The following TSGA10 variants were observed in gnomAD, a reference collection of about 807,000 sequenced individuals.
TSGA10 encodes the protein testis-specific gene 10 protein.
In TSGA10, 43 loss-of-function variants were observed where a neutral mutation model predicts 96.6. That is an observed-to-expected ratio of 0.44 (90% CI 0.35 to 0.57). The LOEUF (loss-of-function observed/expected upper bound fraction) is 0.57. TSGA10 is among the 20% of genes least tolerant of loss of function. The pLI, the probability that TSGA10 is intolerant of heterozygous loss-of-function variation, is 0.01. For synonymous variants in TSGA10, 229 were observed against 269.9 expected, an observed-to-expected ratio of 0.85 and a Z score of 1.48; for missense variants, 703 against 834.4, an observed-to-expected ratio of 0.84 and a Z score of 1.94.
rs116159070 is a variant in TSGA10 at position 99,015,093 on chromosome 2, C to T, written c.2072+3107G>A. On this transcript the variant is annotated intron_variant, in intron 20 of 20. Transcript: ENST00000393483. Reference sequence around the variant, plus strand: ...GAATTGGAACCAATCCTATAGAACACTACTGCACAAGATAGAGAAAGACGG... The same window carrying T: ...GAATTGGAACCAATCCTATAGAACATTACTGCACAAGATAGAGAAAGACGG... Among the ~76,000 whole-genome samples, 862 of 152,244 alleles carry T rather than the reference C, an allele frequency of 5.7e-3. 8 individuals carry two copies. Among genetic ancestry groups the T allele is most frequent in the African/African-American group, 0.02 (836 of 41,540 alleles).
intron 16 of TSGA10, among the ~76,000 whole-genome samples, chr2:99,059,059 TA>T (rs2084340823): frequency 1.7e-5 from 2 of 114,520 alleles, no homozygotes; most frequent in Admixed American, 9.2e-5. Context: ...AATATATATA[TA>T]TATATATATT....
At chr2:99,118,808 G>T in intron 2 of TSGA10, 122 bp from the exon 3 acceptor site, 2 of 244,726 alleles carry the variant, frequency 8.2e-6, no homozygotes, top group Non-Finnish European at 1.3e-5. Flanking sequence ...TTTACTTGAG[G>T]AAATACAAAG....
At chr2:99,101,198 T>C (rs1193059481) in intron 10 of TSGA10, among the ~76,000 whole-genome samples, 2 of 122,402 alleles carry the variant, frequency 1.6e-5, no homozygotes, top group African/African-American at 6.1e-5. Flanking sequence ...TGAGCCGAGA[T>C]TGCATGACTG....
chr2:99,047,556 G>C (rs1039199320), intron 16 of TSGA10, among the ~76,000 whole-genome samples: 1 of 152,102 alleles, frequency 6.6e-6, no homozygotes, highest in Non-Finnish European at 1.5e-5. Flanking sequence ...AATAAACTAG[G>C]TATTGATGGG....
At chr2:99,089,208 C>T (rs570908995) in intron 10 of TSGA10, among the ~76,000 whole-genome samples, 4 of 152,170 alleles carry the variant, frequency 2.6e-5, no homozygotes, top group East Asian at 1.9e-4. Context: ...GAGAGCCAAG[C>T]GAAATACAGG....
At chr2:99,143,133 CTTTTTTTTTTT>C (rs10605521) in intron 1 of TSGA10, among the ~76,000 whole-genome samples, 2 of 82,154 alleles carry the variant, frequency 2.4e-5, no homozygotes, top group Admixed American at 1.6e-4. Context: ...CCAACTAAAC[CTTTTTTTTTTT>C]TTTTTTTTTT....
chr2:99,148,223 T>G (rs1315030831), intron 1 of TSGA10: 1 of 152,226 alleles, frequency 6.6e-6, no homozygotes, highest in Non-Finnish European at 1.5e-5. Flanking sequence ...AGTTATGCAT[T>G]TGACAGGAGT....
intron 10 of TSGA10, among the ~76,000 whole-genome samples, chr2:99,095,033 G>A (rs2089871404): frequency 6.6e-6 from 1 of 152,150 alleles, no homozygotes; most frequent in Non-Finnish European, 1.5e-5. Flanking sequence ...TAAAGAAATT[G>A]TGGTATATAT....
At chr2:99,088,301 T>C (rs965538307) in intron 10 of TSGA10, among the ~76,000 whole-genome samples, 2 of 152,184 alleles carry the variant, frequency 1.3e-5, no homozygotes, top group Admixed American at 6.5e-5. Context: ...TGGTTATAAT[T>C]AGTTATTGTT....
intron 17 of TSGA10, among the ~76,000 whole-genome samples, chr2:99,026,374 G>A (rs1290925323): frequency 1.3e-5 from 2 of 151,718 alleles, no homozygotes; most frequent in Non-Finnish European, 2.9e-5. Context: ...TAAAGAAGTT[G>A]ATAGAAGAAA....
chr2:99,005,026 A>T (rs1184083761), intron 20 of TSGA10, among the ~76,000 whole-genome samples: 1 of 152,224 alleles, frequency 6.6e-6, no homozygotes, highest in East Asian at 1.9e-4. Context: ...ATATAAACAG[A>T]ACCAAAGACA....
rs1001670738 is a variant in TSGA10 at position 99,014,804 on chromosome 2, A to T, written c.2072+3396T>A. Among the ~76,000 whole-genome samples, 37 of 152,298 alleles carry T rather than the reference A, an allele frequency of 2.4e-4. No homozygotes were observed. In the East Asian group the frequency reaches 4.2e-3, roughly 17 times the overall value. On this transcript the variant is annotated intron_variant, in intron 20 of 20. Transcript: ENST00000393483. ...TTAGCTCAATGAGAAATGAAACAGGAGATATTACAACCAATACCACAGAAA... is the reference window on the plus strand; with the variant it reads ...TTAGCTCAATGAGAAATGAAACAGGTGATATTACAACCAATACCACAGAAA...
At chr2:99,003,589 T>C (rs967929248) in intron 20 of TSGA10, among the ~76,000 whole-genome samples, 6 of 152,166 alleles carry the variant, frequency 3.9e-5, no homozygotes, top group Non-Finnish European at 8.8e-5. Flanking sequence ...ACATAAATTA[T>C]AACAAACTGT....
chr2:99,098,710 T>C (rs2090373725), intron 10 of TSGA10, among the ~76,000 whole-genome samples: 1 of 152,210 alleles, frequency 6.6e-6, no homozygotes, highest in East Asian at 1.9e-4. Context: ...ACAGACTCTA[T>C]GTACATTCAA....
chr2:98,998,917 G>A (rs2077658503), intron 20 of TSGA10, among the ~76,000 whole-genome samples: 1 of 151,926 alleles, frequency 6.6e-6, no homozygotes, highest in African/African-American at 2.4e-5. Context: ...ATTTTTTGGA[G>A]ACAGAGTCTC....
intron 10 of TSGA10, chr2:99,102,771 T>A (rs2090920028): frequency 5.8e-6 from 9 of 1,562,136 alleles, no homozygotes; most frequent in Non-Finnish European, 7.1e-6. Context: ...TACTACTTAC[T>A]GGTTTGGGAG....
At chr2:99,066,421 C>T (rs2085270438) in intron 15 of TSGA10, among the ~76,000 whole-genome samples, 1 of 152,070 alleles carries the variant, frequency 6.6e-6, no homozygotes, top group East Asian at 1.9e-4. Flanking sequence ...TGATCTTTAC[C>T]CTCTTTAACT....
At position 99,044,140 on chromosome 2, in the gene TSGA10, G is replaced by A. The variant is rs569778290; in HGVS notation, c.1405-8701C>T. Among the ~76,000 whole-genome samples, 29 of 152,074 alleles carry A rather than the reference G, an allele frequency of 1.9e-4. No individual in the cohort carries two copies. The South Asian group carries it at 5.4e-3, about 28-fold the overall frequency. ...ACCAACTAATGGGCAAAATAACCAGGTAGCATCATAATGACAGGATCGAAT... is the reference window on the plus strand; with the variant it reads ...ACCAACTAATGGGCAAAATAACCAGATAGCATCATAATGACAGGATCGAAT... On this transcript the variant is annotated intron_variant, in intron 16 of 20. Transcript: ENST00000393483.
rs551990352 is a variant in TSGA10, at chr2:99,102,186, C to G, written c.611+1781G>C. ...TGAACTTCGGAAATATGAAGCTATT[C>G]AGTTAACTTTCAAACAGGTATCCAA... On this transcript the variant is annotated intron_variant, in intron 10 of 20. Transcript: ENST00000393483. 1.6e-4 allele frequency: 259 copies of G among 1,571,442 alleles called. 1 individual carries two copies. In the African/African-American group the frequency reaches 3.0e-3, roughly 18 times the overall value.
Sources: allele counts gnomAD v4.1 joint callset (sites outside exome capture counted in the v4.1 genomes callset), GRCh38; gene constraint gnomAD v4.1.1; transcripts MANE v1.5; gene names NCBI Gene and HGNC (gene_info 2026-07-23, HGNC 2026-07-21).